Variants in SLC38A1 observed in about 807,000 individuals in gnomAD.
SLC38A1 encodes the protein sodium-coupled neutral amino acid symporter 1.
SLC38A1 carries 18 observed loss-of-function variants against 60.3 expected under a neutral mutation model. That is an observed-to-expected ratio of 0.30 (90% CI 0.21 to 0.44). The LOEUF is 0.44. SLC38A1 is among the 20% of genes least tolerant of loss of function. SLC38A1 has a pLI of 1.00. For missense variants in SLC38A1, 448 were observed against 587.2 expected (o/e 0.76, Z 2.45); for synonymous variants, 196 against 212.1 (o/e 0.92, Z 0.66).
intron 1 of SLC38A1, among the ~76,000 whole-genome samples, chr12:46,266,088 A>G (rs1450933105): frequency 6.6e-6 from 1 of 152,230 alleles, no homozygotes; most frequent in African/African-American, 2.4e-5. Flanking sequence ...CAGATGAGAT[A>G]TAGAACGGAA....
chr12:46,223,637 G>A (rs535253897), intron 5 of SLC38A1, among the ~76,000 whole-genome samples: 70 of 142,920 alleles, frequency 4.9e-4, no homozygotes, highest in African/African-American at 1.6e-3. Context: ...AATCCAAAAG[G>A]TCTGGTATTA....
intron 1 of SLC38A1, among the ~76,000 whole-genome samples, chr12:46,259,511 A>G (rs1167023300): frequency 6.6e-6 from 1 of 152,212 alleles, no homozygotes; most frequent in Non-Finnish European, 1.5e-5. Flanking sequence ...AAAACTCATT[A>G]AATAGTATAC....
At chr12:46,192,867 T>C (rs1227392639) in intron 16 of SLC38A1, among the ~76,000 whole-genome samples, 1 of 152,180 alleles carries the variant, frequency 6.6e-6, no homozygotes, top group African/African-American at 2.4e-5. Context: ...ATTTTGTTGA[T>C]CCTTTCAAAA....
chr12:46,265,955 C>T (rs1344541307), intron 1 of SLC38A1, among the ~76,000 whole-genome samples: 1 of 152,056 alleles, frequency 6.6e-6, no homozygotes, highest in Non-Finnish European at 1.5e-5. Context: ...GAAATGGAGA[C>T]AAGAGGACAA....
In SLC38A1 at chr12:46,197,952, T is replaced by C. The variant is rs1450760949; in HGVS notation, c.1231A>G (p.Ile411Val). Residue 411 changes from isoleucine to valine, a missense_variant, in exon 15 of 17, where the codon ATA becomes GTA. By Grantham distance (29) the Ile-to-Val change is conservative (BLOSUM62 3). Coordinates refer to ENST00000398637, the MANE Select transcript of SLC38A1 (RefSeq NM_030674.4). ...LVVINLLVIF[I>V]PSMKDIFGVV... is the part of the protein sequence containing the mutation. The stretch of plus-strand genomic sequence containing the variant: ...CCAAAAATATCCTTCATGGAGGGTA[T>C]GAAGATCACCAACAAGTTGATAACA... 1 of 1,614,086 alleles carries C rather than the reference T, an allele frequency of 6.2e-7. No homozygotes were observed. The highest frequency in any genetic ancestry group is 1.7e-5 in the Admixed American group (1 of 60,024).
chr12:46,244,808 T>C (rs1432094187), intron 1 of SLC38A1, among the ~76,000 whole-genome samples: 1 of 152,246 alleles, frequency 6.6e-6, no homozygotes, highest in Non-Finnish European at 1.5e-5. Context: ...CTGTATTAAA[T>C]CTGTTTTCCT....
In SLC38A1 at chr12:46,229,560, T is replaced by G. The variant is rs1197410717; in HGVS notation, c.198+4A>C. 6.3e-7 allele frequency: 1 copy of G among 1,598,580 alleles called. No individual in the cohort carries two copies. Among genetic ancestry groups the G allele is most frequent in the South Asian group, 1.1e-5 (1 of 90,762 alleles). On this transcript the variant is annotated splice_donor_region_variant and intron_variant, in intron 4 of 16. Coordinates refer to ENST00000398637, the MANE Select transcript of SLC38A1 (RefSeq NM_030674.4). ...TAAGCATACTTCATTATAATGATAC[T>G]TACATACTCATCACACTTCTTTTTT...
At chr12:46,189,161 T>G in intron 16 of SLC38A1, 90 bp from the exon 17 acceptor site, 1 of 833,860 alleles carries the variant, frequency 1.2e-6, no homozygotes, top group Non-Finnish European at 2.0e-6. Context: ...GTTTTTCCTC[T>G]CCCTTTGTGT....
At position 46,257,927 on chromosome 12, in the gene SLC38A1, G is replaced by A. The variant is rs540912090; in HGVS notation, c.-209+10599C>T. 4.6e-5 allele frequency among the ~76,000 whole-genome samples: 7 copies of A among 152,352 alleles called. No homozygotes were observed. In the East Asian group the frequency reaches 5.8e-4, roughly 13 times the overall value. On this transcript the variant is annotated intron_variant, in intron 1 of 16. Coordinates refer to ENST00000398637, the MANE Select transcript of SLC38A1 (RefSeq NM_030674.4). ...TCAGGGTGAGTCCATAGAGTAAAGC[G>A]AAATGGCTACGCCATAGACAGAGCA...
intron 3 of SLC38A1, among the ~76,000 whole-genome samples, chr12:46,232,273 T>C (rs1565779779): frequency 6.6e-6 from 1 of 152,000 alleles, no homozygotes; most frequent in Non-Finnish European, 1.5e-5. Context: ...GTAACACCAG[T>C]ATAGGAACGT....
At chr12:46,208,623 C>T (rs1940013904) in intron 6 of SLC38A1, among the ~76,000 whole-genome samples, 1 of 152,216 alleles carries the variant, frequency 6.6e-6, no homozygotes, top group Admixed American at 6.5e-5. Context: ...ATAGCTTGCT[C>T]ACTCCCACAT....
chr12:46,249,268 A>ATATT (rs1941747905), intron 1 of SLC38A1, among the ~76,000 whole-genome samples: 2 of 152,168 alleles, frequency 1.3e-5, no homozygotes, highest in South Asian at 4.1e-4. Flanking sequence ...GCACAAATAA[A>ATATT]TATGTTCTTT....
At chr12:46,237,642 A>G (rs1319360262) in intron 3 of SLC38A1, among the ~76,000 whole-genome samples, 2 of 151,820 alleles carry the variant, frequency 1.3e-5, no homozygotes, top group Non-Finnish European at 2.9e-5. Context: ...GTGAGAATAG[A>G]TGTTTCTCCC....
intron 3 of SLC38A1, among the ~76,000 whole-genome samples, chr12:46,230,272 G>A (rs752159622): frequency 7.9e-5 from 12 of 152,148 alleles, no homozygotes; most frequent in East Asian, 1.9e-4. Flanking sequence ...GGGGAGACAC[G>A]GGGGTAGGTA....
chr12:46,229,583 T>G lies in SLC38A1; in HGVS notation c.179A>C (p.Lys60Thr), dbSNP rs1367900679. ...ACTTACATACTCATCACACTTCTTT[T>G]TTTCCAAATGGCTGTTTGTGAGACT... Reference protein sequence around the residue: ...RRSLTNSHLEKKKCDEYIPGT... With the variant: ...RRSLTNSHLETKKCDEYIPGT... Residue 60 changes from lysine (K) to threonine (T), a missense_variant, in exon 4 of 17, where the codon AAA becomes ACA. Physicochemically the swap from Lys to Thr is moderately conservative, Grantham distance 78. Transcript: ENST00000398637. 1 of 1,613,366 alleles carries G rather than the reference T, an allele frequency of 6.2e-7. No homozygotes were observed. Among genetic ancestry groups the G allele is most frequent in the Admixed American group, 1.7e-5 (1 of 60,024 alleles).
intron 1 of SLC38A1, among the ~76,000 whole-genome samples, chr12:46,249,080 T>C (rs1431470549): frequency 7.0e-6 from 1 of 142,916 alleles, no homozygotes; most frequent in Non-Finnish European, 1.5e-5. Context: ...CGCTTGAACC[T>C]GGGAGGCAGA....
chr12:46,229,673 GATA>G (rs1940996645), intron 3 of SLC38A1, 34 bp from the exon 4 acceptor site: 1 of 1,554,274 alleles, frequency 6.4e-7, no homozygotes. Flanking sequence ...TTAACCTTAT[GATA>G]ATGATTTGAA....
intron 1 of SLC38A1, among the ~76,000 whole-genome samples, chr12:46,253,005 A>G (rs1161764605): frequency 1.3e-5 from 2 of 151,788 alleles, no homozygotes; most frequent in Non-Finnish European, 2.9e-5. Context: ...TGAAAAAAAA[A>G]AAAAAAAAGT....
chr12:46,267,308 CA>C (rs1942383091), intron 1 of SLC38A1: 1 of 152,264 alleles, frequency 6.6e-6, no homozygotes, highest in African/African-American at 2.4e-5. Flanking sequence ...ATCCTGGCGG[CA>C]GTTAGGTTTC....
Sources: gnomAD v4.1 joint callset for allele counts (sites outside exome capture counted in the v4.1 genomes callset) on GRCh38, gnomAD v4.1.1 for gene constraint, MANE v1.5 for transcripts, NCBI Gene and HGNC (gene_info 2026-07-23, HGNC 2026-07-21) for gene names.